Variants in C6orf132 observed in about 807,000 individuals in gnomAD.
C6orf132 encodes the protein uncharacterized protein C6orf132.
In C6orf132, 43 loss-of-function variants were observed where a neutral mutation model predicts 65.3. The observed-to-expected ratio is 0.66, with a 90% CI of 0.52 to 0.85. C6orf132 has a LOEUF of 0.85. C6orf132 is among the 40% of genes least tolerant of loss of function. The probability of loss-of-function intolerance (pLI) is 0.00; values close to 1 mark genes in which losing one functional copy is unlikely to be tolerated. For missense variants in C6orf132, 1,488 were observed against 1,548.8 expected (o/e 0.96, Z 0.66); for synonymous variants, 631 against 654.1 (o/e 0.96, Z 0.54).
rs1188215737 is a variant in C6orf132, at chr6:42,128,698, G to A, written c.226C>T (p.Arg76Trp). The change falls in exon 2 of 5, where the codon CGG (arginine) becomes TGG (tryptophan). Residue 76 changes from arginine (R) to tryptophan (W), a missense_variant. Arg to Trp is a moderately radical substitution (Grantham distance 101). Coordinates refer to ENST00000341865, the MANE Select transcript of C6orf132 (RefSeq NM_001164446.3). ...TATLKARPRV[R>W]PLLTFLPLNA... is the part of the protein sequence containing the mutation. Reference sequence around the variant, plus strand: ...AGCGGAAGGAAGGTCAGCAGGGGCCGGACTCTTGGCCGAGCTTTCAGCGTG... The same window carrying A: ...AGCGGAAGGAAGGTCAGCAGGGGCCAGACTCTTGGCCGAGCTTTCAGCGTG... The A allele has an allele frequency of 2.9e-5, 45 of 1,551,264 alleles. No individual in the cohort carries two copies. The highest frequency in any genetic ancestry group is 5.9e-5 in the Admixed American group (3 of 50,962).
chr6:42,103,795 A>G lies in C6orf132; in HGVS notation c.3533T>C (p.Val1178Ala), dbSNP rs2127472480. 1 of 1,485,862 alleles carries G rather than the reference A, an allele frequency of 6.7e-7. No homozygotes were observed. Among genetic ancestry groups the G allele is most frequent in the Non-Finnish European group, 8.9e-7 (1 of 1,120,630 alleles). The allele number at this position is 1,485,862 out of a possible 1,614,324, so 92.0% of individuals were successfully genotyped here. ...GGCTTTCCGATGGGCCCCTGAGCAG[A>G]CATAGGAGATGGGATGGCGGGTCCC... ...RPGTRHPISY[V>A]CSGAHRKATS is the part of the protein sequence containing the mutation. The change falls in exon 5 of 5, where the codon GTC (valine) becomes GCC (alanine). Residue 1178 changes from valine to alanine, a missense_variant. Coordinates refer to ENST00000341865, the MANE Select transcript of C6orf132 (RefSeq NM_001164446.3).
rs536382108 is a variant in C6orf132 at position 42,141,167 on chromosome 6, C to T, written c.145+1133G>A. Among the ~76,000 whole-genome samples the T allele has an allele frequency of 2.6e-4, 40 of 152,294 alleles. No homozygotes were observed. The South Asian group carries it at 3.5e-3, about 13-fold the overall frequency. Reference sequence around the variant, plus strand: ...TGCCAGGAAGAGGCGACACTTTGTCCGTCCTGCTCCTATCCATGGTGCCTT... The same window carrying T: ...TGCCAGGAAGAGGCGACACTTTGTCTGTCCTGCTCCTATCCATGGTGCCTT... On this transcript the variant is annotated intron_variant, in intron 1 of 4. Transcript: ENST00000341865.
At chr6:42,116,040 C>G (rs1366755565) in intron 2 of C6orf132, among the ~76,000 whole-genome samples, 2 of 151,140 alleles carry the variant, frequency 1.3e-5, no homozygotes, top group African/African-American at 4.9e-5. Context: ...AGCGATTCTC[C>G]TGACTCAGCC....
chr6:42,109,430 CAAATAAAT>C (rs369701799), intron 3 of C6orf132, among the ~76,000 whole-genome samples: 2 of 151,038 alleles, frequency 1.3e-5, no homozygotes, highest in African/African-American at 2.4e-5. Context: ...GACTCCATCT[CAAATAAAT>C]AAATAAATAA....
At position 42,104,948 on chromosome 6, in the gene C6orf132, C is replaced by T. The variant is rs1159442056; in HGVS notation, c.2964G>A (p.Pro988=). 2 of 1,480,074 alleles carry T rather than the reference C, an allele frequency of 1.4e-6. No homozygotes were observed. The highest frequency in any genetic ancestry group is 1.4e-5 in the African/African-American group (1 of 70,992). The allele number at this position is 1,480,074 out of a possible 1,614,324, so 91.7% of individuals were successfully genotyped here. Residue 988 remains proline, a synonymous_variant, in exon 4 of 5, where the codon CCG becomes CCA. Coordinates refer to ENST00000341865, the MANE Select transcript of C6orf132 (RefSeq NM_001164446.3). This position sits in a 1 kb window ranked among gnomAD's most constrained non-coding sequence, Gnocchi z 4.1. ...CAGGGTCATTGCTGAACTCTGGCGG[C>T]GGTGGGATGACCTCGAAGTTGAACT... The part of the protein sequence containing the change: ...EEEFNFEVIP[P]PPEFSNDPEP...
At chr6:42,118,564 C>T (rs9381145) in intron 2 of C6orf132, among the ~76,000 whole-genome samples, 25,196 of 152,238 alleles carry the variant, frequency 0.17, 2,246 homozygotes, top group African/African-American at 0.2. Context: ...GGCAGACCAA[C>T]CTGTGTACAG....
Position 42,107,037 on chromosome 6 carries a change from G to C in C6orf132, c.875C>G (p.Pro292Arg). The C allele has an allele frequency of 6.6e-7, 1 of 1,526,608 alleles. No homozygotes were observed. The highest frequency in any genetic ancestry group is 1.4e-5 in the African/African-American group (1 of 72,360). The allele number at this position is 1,526,608 out of a possible 1,614,324, so 94.6% of individuals were successfully genotyped here. ...EPKGSALGPN[P>R]EPHLTFPRSF... The stretch of plus-strand genomic sequence containing the variant: ...ACGGGGGAAGGTGAGATGGGGCTCT[G>C]GGTTAGGTCCCAGGGCGCTCCCCTT... The change falls in exon 4 of 5, where the codon CCA becomes CGA. Residue 292 changes from proline (P) to arginine (R), a missense_variant. Coordinates refer to ENST00000341865, the MANE Select transcript of C6orf132 (RefSeq NM_001164446.3).
rs1276467013 is a variant in C6orf132 at position 42,105,157 on chromosome 6, G to A, written c.2755C>T (p.Arg919Trp). Reference sequence around the variant, plus strand: ...GTGCCCTCTGCGTCTCTTCCCAGCCGCGGCCCCCACTTATTGGGTATTTCG... The same window carrying A: ...GTGCCCTCTGCGTCTCTTCCCAGCCACGGCCCCCACTTATTGGGTATTTCG... ...TTEIPNKWGP[R>W]LGRDAEGTEL... The change falls in exon 4 of 5, where the codon CGG (arginine) becomes TGG (tryptophan). Residue 919 changes from arginine (R) to tryptophan (W), a missense_variant. By Grantham distance (101) the Arg-to-Trp change is moderately radical. Transcript: ENST00000341865. The A allele has an allele frequency of 3.3e-6, 5 of 1,537,056 alleles. No individual in the cohort carries two copies. The highest frequency in any genetic ancestry group is 1.7e-4 in the Middle Eastern group (1 of 5,984).
chr6:42,138,273 A>C (rs935217683), intron 1 of C6orf132, among the ~76,000 whole-genome samples: 1 of 152,040 alleles, frequency 6.6e-6, no homozygotes. Flanking sequence ...TGGCTTCCCA[A>C]AGTGCTGGGG....
chr6:42,119,768 G>A (rs545455694), intron 2 of C6orf132, among the ~76,000 whole-genome samples: 2 of 151,592 alleles, frequency 1.3e-5, no homozygotes, highest in South Asian at 4.2e-4. Flanking sequence ...TTACAGATGT[G>A]AGCCACCTCA....
intron 1 of C6orf132, among the ~76,000 whole-genome samples, chr6:42,134,929 A>T (rs1562042558): frequency 1.3e-5 from 2 of 152,140 alleles, no homozygotes; most frequent in Admixed American, 6.6e-5. Context: ...TGAACCTGGG[A>T]GGCAGAGGTC....
intron 3 of C6orf132, among the ~76,000 whole-genome samples, chr6:42,109,331 C>T (rs1766462702): frequency 6.6e-6 from 1 of 152,102 alleles, no homozygotes; most frequent in Non-Finnish European, 1.5e-5. Flanking sequence ...TACTCAGAGG[C>T]TGAGGTGGGA....
At chr6:42,133,823 CGGGGG>C (rs1766895658) in intron 1 of C6orf132, among the ~76,000 whole-genome samples, 2 of 2,112 alleles carry the variant, frequency 9.5e-4, no homozygotes, top group East Asian at 0.013. Flanking sequence ...GAGACAGGGG[CGGGGG>C]CGGGGCGGGG....
Position 42,142,293 on chromosome 6 carries a change from T to C in C6orf132, c.145+7A>G. The stretch of plus-strand genomic sequence containing the variant: ...GCCCCAGCGCCCTCCGTCCCCGGAG[T>C]ACTCACCGAAGCCCCCGGTCCCCTC... On this transcript the variant is annotated splice_region_variant and intron_variant, in intron 1 of 4. Transcript: ENST00000341865. The C allele has an allele frequency of 6.5e-7, 1 of 1,548,752 alleles. No individual in the cohort carries two copies. Among genetic ancestry groups the C allele is most frequent in the South Asian group, 1.2e-5 (1 of 83,928 alleles).
Position 42,112,265 on chromosome 6 carries a change from A to G in C6orf132, c.253-1974T>C, listed in dbSNP as rs200159917. Among the ~76,000 whole-genome samples, 26 of 152,298 alleles carry G rather than the reference A, an allele frequency of 1.7e-4. No individual in the cohort carries two copies. The East Asian group carries it at 4.8e-3, about 28-fold the overall frequency. ...TTGGTAAGTTGTCTAAAGTCACACA[A>G]CCAGTACTACCAAACCCAGGTCTGT... is the stretch of plus-strand genomic sequence containing the variant. On this transcript the variant is annotated intron_variant, in intron 2 of 4. Transcript: ENST00000341865.
chr6:42,135,062 C>T (rs1285171276), intron 1 of C6orf132, among the ~76,000 whole-genome samples: 1 of 152,362 alleles, frequency 6.6e-6, no homozygotes. Flanking sequence ...TTTCTCTCTG[C>T]TCCACCTTAC....
rs1766431796 is a variant in C6orf132, at chr6:42,107,442, G to A, written c.470C>T (p.Pro157Leu). 1 of 1,537,660 alleles carries A rather than the reference G, an allele frequency of 6.5e-7. No homozygotes were observed. The highest frequency in any genetic ancestry group is 8.8e-7 in the Non-Finnish European group (1 of 1,140,296). Reference protein sequence around the residue: ...APGPPQDISEPPGGSPLPSPP... With the variant: ...APGPPQDISELPGGSPLPSPP... Reference sequence around the variant, plus strand: ...AGATGGCAGTGGCGACCCCCCTGGAGGTTCTGAAATGTCCTGAGGGGGCCC... The same window carrying A: ...AGATGGCAGTGGCGACCCCCCTGGAAGTTCTGAAATGTCCTGAGGGGGCCC... Residue 157 changes from proline (P) to leucine (L), a missense_variant, in exon 4 of 5, where the codon CCT becomes CTT. Physicochemically the swap from Pro to Leu is moderately conservative, Grantham distance 98 (BLOSUM62 -3). Transcript: ENST00000341865.
In C6orf132 at chr6:42,106,201, C is replaced by T; in HGVS notation, c.1711G>A (p.Glu571Lys). Residue 571 changes from glutamate to lysine, a missense_variant, in exon 4 of 5, where the codon GAG becomes AAG. Physicochemically the swap from Glu to Lys is moderately conservative, Grantham distance 56. Transcript: ENST00000341865. ...TCTGCTGCTGAGGAGAGCCGGGCCT[C>T]CAGCTCATTCCGGATCTGCCGCACA... ...PSVRQIRNELEARLSSAAEKE... is the reference protein window; with the variant it reads ...PSVRQIRNELKARLSSAAEKE... 6.5e-7 allele frequency: 1 copy of T among 1,537,218 alleles called. No individual in the cohort carries two copies.
intron 2 of C6orf132, among the ~76,000 whole-genome samples, chr6:42,125,046 T>C (rs1766743513): frequency 6.6e-6 from 1 of 152,160 alleles, no homozygotes. Flanking sequence ...AGCCTCATCA[T>C]GGCGTCAAAA....
Sources: gnomAD v4.1 joint callset for allele counts (sites outside exome capture counted in the v4.1 genomes callset) on GRCh38, gnomAD v4.1.1 for gene constraint, Gnocchi (gnomAD v3.1) non-coding constraint, MANE v1.5 for transcripts, NCBI Gene and HGNC (gene_info 2026-07-23, HGNC 2026-07-21) for gene names.